Variants in STX8 observed in about 807,000 individuals in gnomAD.
The protein encoded by STX8 is syntaxin 8.
A neutral mutation model predicts 37.5 loss-of-function variants in STX8; 23 were observed. The ratio of observed to expected loss-of-function variants is 0.61; its 90% CI spans 0.44 to 0.87. The LOEUF is 0.87. STX8 is among the 40% of genes least tolerant of loss of function. The probability of loss-of-function intolerance (pLI) is 0.00; values close to 1 mark genes in which losing one functional copy is unlikely to be tolerated. For missense variants in STX8, 313 were observed against 284.7 expected, an observed-to-expected ratio of 1.10 and a Z score of -0.71; for synonymous variants, 115 against 99.1, an observed-to-expected ratio of 1.16 and a Z score of -0.95.
At chr17:9,528,729 A>G (rs1265819132) in intron 4 of STX8, among the ~76,000 whole-genome samples, 1 of 152,220 alleles carries the variant, frequency 6.6e-6, no homozygotes, top group Non-Finnish European at 1.5e-5. Context: ...ATAGGAAAAC[A>G]AAGATCTACA....
chr17:9,291,441 CAAA>C (rs371757156), intron 7 of STX8, among the ~76,000 whole-genome samples: 8 of 85,012 alleles, frequency 9.4e-5, no homozygotes, highest in Admixed American at 1.3e-4. Context: ...GACTCGGTCT[CAAA>C]AAAAAAAAAA....
chr17:9,338,358 T>C (rs914799166), intron 7 of STX8, among the ~76,000 whole-genome samples: 4 of 152,176 alleles, frequency 2.6e-5, no homozygotes, highest in African/African-American at 9.7e-5. Flanking sequence ...CCAGGTATTC[T>C]GAAGGGTTTT....
chr17:9,405,446 T>C (rs1912768696), intron 6 of STX8, among the ~76,000 whole-genome samples: 2 of 152,150 alleles, frequency 1.3e-5, no homozygotes, highest in African/African-American at 4.8e-5. Context: ...AAAGCATCAA[T>C]GAAATCGATC....
At chr17:9,544,462 C>T (rs1405174354) in intron 4 of STX8, among the ~76,000 whole-genome samples, 2 of 151,778 alleles carry the variant, frequency 1.3e-5, no homozygotes, top group Non-Finnish European at 1.5e-5. Flanking sequence ...CTGTGAGCCC[C>T]GGACCAGTCT....
At chr17:9,303,316 A>C (rs1156705490) in intron 7 of STX8, among the ~76,000 whole-genome samples, 1 of 152,184 alleles carries the variant, frequency 6.6e-6, no homozygotes, top group African/African-American at 2.4e-5. Flanking sequence ...AACCCTAGGA[A>C]GAAGAGACTT....
At chr17:9,544,504 A>T (rs367862917) in intron 4 of STX8, among the ~76,000 whole-genome samples, 1,687 of 147,298 alleles carry the variant, frequency 0.011, 34 homozygotes, top group African/African-American at 0.039. Context: ...TATGCCAATT[A>T]AAAAAAAAAA....
chr17:9,426,340 A>G (rs62067157), intron 6 of STX8, among the ~76,000 whole-genome samples: 78,515 of 151,620 alleles, frequency 0.52, 21,039 homozygotes, highest in African/African-American at 0.62. Context: ...CAGCCTGGCC[A>G]ACATGGCGAA....
chr17:9,485,502 T>G (rs1226157549), intron 6 of STX8, among the ~76,000 whole-genome samples: 1 of 151,972 alleles, frequency 6.6e-6, no homozygotes, highest in Non-Finnish European at 1.5e-5. Context: ...AGAAAAACAA[T>G]AAGTAAACTA....
intron 7 of STX8, among the ~76,000 whole-genome samples, chr17:9,346,056 T>C (rs1266304475): frequency 6.6e-6 from 1 of 151,922 alleles, no homozygotes; most frequent in Non-Finnish European, 1.5e-5. Flanking sequence ...TTCACCATGT[T>C]GGCCAGGCTG....
intron 4 of STX8, chr17:9,540,547 CCT>C (rs934442154): frequency 1.3e-5 from 2 of 152,214 alleles, no homozygotes; most frequent in African/African-American, 4.8e-5. Flanking sequence ...CATTCTCCTT[CCT>C]CTCTGTATCT....
intron 7 of STX8, among the ~76,000 whole-genome samples, chr17:9,377,441 C>T (rs1911637754): frequency 6.6e-6 from 1 of 152,074 alleles, no homozygotes; most frequent in African/African-American, 2.4e-5. Context: ...GCTAGGACTA[C>T]AGGCACATAC....
chr17:9,463,683 G>A (rs567850991), intron 6 of STX8, among the ~76,000 whole-genome samples: 195 of 152,268 alleles, frequency 1.3e-3, no homozygotes, highest in African/African-American at 2.7e-3. Context: ...CGAGCTGGGC[G>A]GATCACCTGA....
intron 1 of STX8, among the ~76,000 whole-genome samples, chr17:9,573,352 A>G (rs1459901740): frequency 2.0e-5 from 3 of 152,150 alleles, no homozygotes; most frequent in Non-Finnish European, 4.4e-5. Flanking sequence ...CTTGGTCTCC[A>G]CTACCCCTTA....
intron 7 of STX8, among the ~76,000 whole-genome samples, chr17:9,274,786 C>T (rs1289719208): frequency 8.6e-6 from 1 of 116,800 alleles, no homozygotes; most frequent in Admixed American, 1.2e-4. Context: ...GAGTCTCGCT[C>T]TGTCACCAGG....
chr17:9,312,897 G>C (rs992826102), intron 7 of STX8, among the ~76,000 whole-genome samples: 1 of 152,198 alleles, frequency 6.6e-6, no homozygotes, highest in East Asian at 1.9e-4. Context: ...ATGGGTTAAA[G>C]AGGTCACTGT....
intron 7 of STX8, among the ~76,000 whole-genome samples, chr17:9,252,706 GCT>G (rs1906634520): frequency 6.6e-6 from 1 of 151,734 alleles, no homozygotes; most frequent in Non-Finnish European, 1.5e-5. Context: ...TCTGATATGG[GCT>G]CTTTCTCTGA....
At chr17:9,265,832 A>C (rs1907214071) in intron 7 of STX8, among the ~76,000 whole-genome samples, 1 of 152,194 alleles carries the variant, frequency 6.6e-6, no homozygotes, top group African/African-American at 2.4e-5. Context: ...GGGGGGCTTC[A>C]GTGTGTGAAG....
intron 6 of STX8, among the ~76,000 whole-genome samples, chr17:9,391,710 A>G (rs926783818): frequency 3.3e-5 from 5 of 151,676 alleles, no homozygotes; most frequent in African/African-American, 7.3e-5. Flanking sequence ...GTTACAGAAA[A>G]AGAGAGAGAG....
At chr17:9,500,939 A>G (rs1904587923) in intron 5 of STX8, among the ~76,000 whole-genome samples, 1 of 152,204 alleles carries the variant, frequency 6.6e-6, no homozygotes, top group East Asian at 1.9e-4. Flanking sequence ...CAGGAGGCAG[A>G]GCTTGCAGGG....
Sources: gnomAD v4.1 joint callset for allele counts (sites outside exome capture counted in the v4.1 genomes callset) on GRCh38, gnomAD v4.1.1 for gene constraint, MANE v1.5 for transcripts, NCBI Gene and HGNC (gene_info 2026-07-23, HGNC 2026-07-21) for gene names.